GFOD1: variants seen among roughly 807,000 people sequenced by gnomAD.
The protein encoded by GFOD1 is Gfo/Idh/MocA-like oxidoreductase domain containing 1.
In GFOD1, 9 loss-of-function variants were observed where a neutral mutation model predicts 25.4. The ratio of observed to expected loss-of-function variants is 0.35; its 90% confidence interval spans 0.21 to 0.62. The LOEUF (loss-of-function observed/expected upper bound fraction) is 0.62. Ranked by LOEUF, GFOD1 falls within the 20% of genes least tolerant of loss-of-function variation. GFOD1 has a pLI of 0.72. For missense variants in GFOD1, 403 were observed against 556.9 expected (o/e 0.72, Z 2.78); for synonymous variants, 253 against 245.6 (o/e 1.03, Z -0.28).
chr6:13,376,626 G>A (rs1019558534), intron 1 of GFOD1, among the ~76,000 whole-genome samples: 1 of 152,194 alleles, frequency 6.6e-6, no homozygotes, highest in Admixed American at 6.5e-5. Context: ...GATTGGGTTG[G>A]GTGAGATTGC....
Position 13,406,542 on chromosome 6 carries a change from C to T in GFOD1, c.254-40880G>A, listed in dbSNP as rs76488835. Among the ~76,000 whole-genome samples, 613 of 152,234 alleles carry T rather than the reference C, an allele frequency of 4.0e-3. 8 individuals carry two copies. The highest frequency in any genetic ancestry group is 0.038 in the East Asian group (198 of 5,186). ...AGAAAGAAGAGAGCGAGAGCACAAT[C>T]GAGAGTGAGAAGAGAAGAATTCTAT... On this transcript the variant is annotated intron_variant, in intron 1 of 1. Coordinates refer to ENST00000379287, the MANE Select transcript of GFOD1 (RefSeq NM_018988.4).
chr6:13,412,111 G>A (rs570404475), intron 1 of GFOD1, among the ~76,000 whole-genome samples: 21 of 152,340 alleles, frequency 1.4e-4, no homozygotes, highest in East Asian at 1.9e-4. Context: ...GGGTTAGACT[G>A]CCACTTAGTA....
At chr6:13,432,846 G>T (rs893724926) in intron 1 of GFOD1, among the ~76,000 whole-genome samples, 1 of 152,140 alleles carries the variant, frequency 6.6e-6, no homozygotes, top group Non-Finnish European at 1.5e-5. Flanking sequence ...CACTGTAACT[G>T]CATATCCCAC....
At chr6:13,409,140 A>AGAAAGAAG (rs200114337) in intron 1 of GFOD1, among the ~76,000 whole-genome samples, 2,321 of 49,096 alleles carry the variant, frequency 0.047, 538 homozygotes, top group East Asian at 0.21. Context: ...AAAGAAAGAA[A>AGAAAGAAG]GAAAGAAAGA....
chr6:13,415,386 C>T lies in GFOD1; in HGVS notation c.254-49724G>A, dbSNP rs189679305. On this transcript the variant is annotated intron_variant, in intron 1 of 1. Transcript: ENST00000379287. ...ATGTCCCTTCTGAGGGAGGGCACTG[C>T]CATTATGGGAGCGAAGAAGGGGTCG... is the stretch of plus-strand genomic sequence containing the variant. Among the ~76,000 whole-genome samples the T allele has an allele frequency of 3.9e-5, 6 of 152,288 alleles. No individual in the cohort carries two copies. In the East Asian group the frequency reaches 1.2e-3, roughly 29 times the overall value.
chr6:13,435,469 T>C (rs2127571083), intron 1 of GFOD1, among the ~76,000 whole-genome samples: 1 of 152,336 alleles, frequency 6.6e-6, no homozygotes, highest in African/African-American at 2.4e-5. Context: ...AAATAATCAA[T>C]GGTGTGTTTT....
chr6:13,371,450 C>T (rs1230304264), intron 1 of GFOD1, among the ~76,000 whole-genome samples: 1 of 152,172 alleles, frequency 6.6e-6, no homozygotes, highest in Non-Finnish European at 1.5e-5. Flanking sequence ...GGTTTACATC[C>T]TCTTGTGGCA....
intron 1 of GFOD1, among the ~76,000 whole-genome samples, chr6:13,455,249 C>A (rs1758168166): frequency 1.3e-5 from 2 of 152,116 alleles, no homozygotes; most frequent in South Asian, 4.2e-4. Context: ...CTGACCCAAC[C>A]CGAACTGAGT....
intron 1 of GFOD1, among the ~76,000 whole-genome samples, chr6:13,463,549 G>A (rs1758329044): frequency 6.6e-6 from 1 of 152,196 alleles, no homozygotes; most frequent in South Asian, 2.1e-4. Flanking sequence ...TCACCGGGGT[G>A]TGGGTCTTTT....
At chr6:13,481,666 G>C (rs1351121905) in intron 1 of GFOD1, among the ~76,000 whole-genome samples, 1 of 152,228 alleles carries the variant, frequency 6.6e-6, no homozygotes. Context: ...CTGGACCCAG[G>C]CAGGCTGGCT....
chr6:13,392,385 T>C (rs1437802679), intron 1 of GFOD1, among the ~76,000 whole-genome samples: 3 of 150,330 alleles, frequency 2.0e-5, no homozygotes, highest in Admixed American at 6.6e-5. Flanking sequence ...AAAGAAAATC[T>C]GTTTCCTCTG....
intron 1 of GFOD1, among the ~76,000 whole-genome samples, chr6:13,447,900 A>C (rs1758032781): frequency 6.6e-6 from 1 of 152,068 alleles, no homozygotes; most frequent in Non-Finnish European, 1.5e-5. Context: ...AGGGCTGAGG[A>C]GGGCTGGAAC....
At chr6:13,468,337 T>C (rs981123401) in intron 1 of GFOD1, among the ~76,000 whole-genome samples, 2 of 152,180 alleles carry the variant, frequency 1.3e-5, no homozygotes, top group Non-Finnish European at 1.5e-5. Flanking sequence ...CTAATGGCTA[T>C]TTAGTATTTT....
chr6:13,465,036 T>G (rs1758355258), intron 1 of GFOD1, among the ~76,000 whole-genome samples: 1 of 152,166 alleles, frequency 6.6e-6, no homozygotes, highest in Non-Finnish European at 1.5e-5. Flanking sequence ...CAAATATAAT[T>G]GCTTCTTCTT....
At chr6:13,420,990 A>G (rs907645524) in intron 1 of GFOD1, among the ~76,000 whole-genome samples, 11 of 152,234 alleles carry the variant, frequency 7.2e-5, no homozygotes, top group African/African-American at 2.4e-4. Flanking sequence ...GGAGCCACGA[A>G]CCACCTAAAT....
chr6:13,411,687 G>C (rs1375972123), intron 1 of GFOD1, among the ~76,000 whole-genome samples: 1 of 152,198 alleles, frequency 6.6e-6, no homozygotes, highest in East Asian at 1.9e-4. Flanking sequence ...CCTGTACAGT[G>C]GCTGCACTGA....
intron 1 of GFOD1, among the ~76,000 whole-genome samples, chr6:13,429,106 G>A (rs1757698977): frequency 6.6e-6 from 1 of 152,184 alleles, no homozygotes; most frequent in African/African-American, 2.4e-5. Context: ...ATGGCACAAA[G>A]AGGAAAGACC....
At chr6:13,409,215 G>GAAAGAAAGAA (rs1562209633) in intron 1 of GFOD1, among the ~76,000 whole-genome samples, 2 of 34,210 alleles carry the variant, frequency 5.8e-5, no homozygotes, top group East Asian at 1.2e-3. Flanking sequence ...AAGAAGGAAA[G>GAAAGAAAGAA]AGAGAGAGAG....
chr6:13,394,966 A>G (rs59067260), intron 1 of GFOD1, among the ~76,000 whole-genome samples: 6,421 of 152,104 alleles, frequency 0.042, 342 homozygotes, highest in African/African-American at 0.13. Context: ...AAAATTTTGT[A>G]GAGATAGGGT....
Sources: allele counts gnomAD v4.1 joint callset (sites outside exome capture counted in the v4.1 genomes callset), GRCh38; gene constraint gnomAD v4.1.1; transcripts MANE v1.5; gene names NCBI Gene and HGNC (gene_info 2026-07-23, HGNC 2026-07-21).